Variants in GRIN2A observed in about 807,000 individuals in gnomAD.
The protein encoded by GRIN2A is glutamate receptor ionotropic, NMDA 2A.
Under a neutral mutation model 113.4 loss-of-function variants are expected in GRIN2A, and 22 were observed. The ratio of observed to expected loss-of-function variants is 0.19; its 90% CI spans 0.14 to 0.28. GRIN2A has a LOEUF of 0.28. Among genes scored for constraint, GRIN2A ranks in the 10% least tolerant of loss-of-function variants. The pLI is 1.00. For synonymous variants in GRIN2A, 827 were observed against 738.4 expected (o/e 1.12, Z -1.94); for missense variants, 1,502 against 1,887.0 (o/e 0.80, Z 3.78).
At chr16:10,172,138 G>T (rs1013426589) in intron 2 of GRIN2A, among the ~76,000 whole-genome samples, 1 of 152,314 alleles carries the variant, frequency 6.6e-6, no homozygotes, top group East Asian at 1.9e-4. Flanking sequence ...TGATAATTTT[G>T]TCCCAAATCC....
At chr16:9,864,250 T>C (rs35946436) in intron 4 of GRIN2A, among the ~76,000 whole-genome samples, 47,252 of 151,714 alleles carry the variant, frequency 0.31, 7,522 homozygotes, top group African/African-American at 0.35. Flanking sequence ...TATTAAGAAG[T>C]TTTTTTTCCC....
At chr16:9,914,096 T>C (rs1370745852) in intron 3 of GRIN2A, among the ~76,000 whole-genome samples, 1 of 141,730 alleles carries the variant, frequency 7.1e-6, no homozygotes, top group Non-Finnish European at 1.6e-5. Context: ...CATTCTTGGT[T>C]AAAAAAAAAA....
intron 2 of GRIN2A, among the ~76,000 whole-genome samples, chr16:9,960,878 A>G (rs2141702646): frequency 6.6e-6 from 1 of 152,322 alleles, no homozygotes; most frequent in Middle Eastern, 3.4e-3. Context: ...CTCCTGCCTC[A>G]GTCTCCCAAA....
Position 9,760,374 on chromosome 16 carries a change from ATTTTTTTT to A in GRIN2A, c.*2767_*2774del, listed in dbSNP as rs35189803. The A allele has an allele frequency of 1.7e-4, 16 of 94,062 alleles. No individual in the cohort carries two copies. The South Asian group carries it at 5.3e-3, about 31-fold the overall frequency. 5.8% of individuals were successfully genotyped at this position (94,062 alleles called of 1,614,324 possible). A position where few individuals can be genotyped will look rare whatever the true frequency, so the allele number is the denominator to read the frequency against. ...AAATTGACCATCTGATCAGTAGTTG[ATTTTTTTT>A]TTTTTTTTTTTTTTTTGCTTGGGAT... On this transcript the variant is annotated 3_prime_UTR_variant, in exon 13 of 13. Transcript: ENST00000330684.
chr16:10,034,644 A>C (rs2046992353), intron 2 of GRIN2A, among the ~76,000 whole-genome samples: 1 of 151,066 alleles, frequency 6.6e-6, no homozygotes, highest in African/African-American at 2.4e-5. Flanking sequence ...CAAGAGGTAA[A>C]GGTGTCACTC....
chr16:9,894,118 C>T (rs1266144067), intron 3 of GRIN2A, among the ~76,000 whole-genome samples: 1 of 152,124 alleles, frequency 6.6e-6, no homozygotes, highest in Non-Finnish European at 1.5e-5. Context: ...CAGGAGAAAG[C>T]ATTCTGGGCA....
At chr16:10,127,979 G>A (rs143225309) in intron 2 of GRIN2A, among the ~76,000 whole-genome samples, 209 of 152,190 alleles carry the variant, frequency 1.4e-3, no homozygotes, top group African/African-American at 4.9e-3. Context: ...CACATAGCAT[G>A]AGCTCAACCT....
At chr16:9,913,110 T>C (rs4782039) in intron 3 of GRIN2A, among the ~76,000 whole-genome samples, 40,368 of 151,998 alleles carry the variant, frequency 0.27, 5,848 homozygotes, top group African/African-American at 0.35. Flanking sequence ...TCAGCAAGAG[T>C]TTCCTTTCAC....
chr16:9,977,021 G>A (rs1006330957), intron 2 of GRIN2A, among the ~76,000 whole-genome samples: 1 of 152,204 alleles, frequency 6.6e-6, no homozygotes, highest in Non-Finnish European at 1.5e-5. Flanking sequence ...CGACAACAAA[G>A]AAAGAGTTGA....
intron 3 of GRIN2A, among the ~76,000 whole-genome samples, chr16:9,904,432 C>T (rs1298172792): frequency 2.0e-5 from 3 of 152,076 alleles, no homozygotes; most frequent in East Asian, 1.9e-4. Flanking sequence ...AGTGCAGCAG[C>T]GTGATCTCAG....
At chr16:10,060,091 G>C (rs1276676976) in intron 2 of GRIN2A, among the ~76,000 whole-genome samples, 3 of 152,178 alleles carry the variant, frequency 2.0e-5, no homozygotes, top group Non-Finnish European at 4.4e-5. Context: ...TCAAGAGCTA[G>C]ATGGGGACAT....
chr16:10,084,744 C>CTTTATTTATTTATTTA (rs144403767), intron 2 of GRIN2A, among the ~76,000 whole-genome samples: 42,359 of 146,864 alleles, frequency 0.29, 6,535 homozygotes, highest in East Asian at 0.41. Flanking sequence ...CCACCTGACA[C>CTTTATTTATTTATTTA]TTTATTTATT....
chr16:10,124,057 GA>G (rs1389050493), intron 2 of GRIN2A, among the ~76,000 whole-genome samples: 1 of 152,108 alleles, frequency 6.6e-6, no homozygotes, highest in African/African-American at 2.4e-5. Context: ...AGTCTCCAGA[GA>G]CAGATGAAGT....
At chr16:9,967,174 CAA>C (rs2045571267) in intron 2 of GRIN2A, among the ~76,000 whole-genome samples, 1 of 152,050 alleles carries the variant, frequency 6.6e-6, no homozygotes, top group African/African-American at 2.4e-5. Flanking sequence ...CTTACAATTG[CAA>C]AGATATGGAA....
chr16:9,939,987 C>T (rs1229896559), intron 2 of GRIN2A, among the ~76,000 whole-genome samples: 1 of 148,092 alleles, frequency 6.8e-6, no homozygotes, highest in Non-Finnish European at 1.5e-5. Flanking sequence ...TTGAACACAA[C>T]CTCAACAAGA....
intron 2 of GRIN2A, among the ~76,000 whole-genome samples, chr16:9,997,400 C>T (rs1009838200): frequency 1.3e-5 from 2 of 152,226 alleles, no homozygotes; most frequent in African/African-American, 4.8e-5. Flanking sequence ...CTTCCCCCTA[C>T]ACTTTTTCTT....
chr16:9,801,120 T>G (rs924037407), intron 10 of GRIN2A, among the ~76,000 whole-genome samples: 19 of 152,148 alleles, frequency 1.2e-4, no homozygotes, highest in Non-Finnish European at 2.9e-5. Context: ...ATTCTAAGAT[T>G]GTGTGAGCCA....
chr16:9,795,407 T>C (rs1222290729), intron 11 of GRIN2A, among the ~76,000 whole-genome samples: 1 of 152,204 alleles, frequency 6.6e-6, no homozygotes, highest in Admixed American at 6.5e-5. Context: ...GCATGAATAA[T>C]CCACCCCGTG....
intron 3 of GRIN2A, among the ~76,000 whole-genome samples, chr16:9,922,054 T>C (rs1321573021): frequency 2.0e-5 from 3 of 152,184 alleles, no homozygotes; most frequent in Admixed American, 6.5e-5. Context: ...AATTAGACTT[T>C]GATCTAATTT....
Sources: gnomAD v4.1 joint callset for allele counts (sites outside exome capture counted in the v4.1 genomes callset) on GRCh38, gnomAD v4.1.1 for gene constraint, MANE v1.5 for transcripts, NCBI Gene and HGNC (gene_info 2026-07-23, HGNC 2026-07-21) for gene names.